The following CCDC62 variants were observed in gnomAD, a reference collection of about 807,000 sequenced individuals.
The protein encoded by CCDC62 is coiled-coil domain containing 62.
CCDC62 carries 72 observed loss-of-function variants against 80.8 expected under a neutral mutation model. That is an observed-to-expected ratio of 0.89 (90% confidence interval 0.74 to 1.08). CCDC62 has a LOEUF of 1.08. Ranked by LOEUF, CCDC62 falls within the 50% of genes least tolerant of loss-of-function variation. The probability of loss-of-function intolerance (pLI) is 0.00; values close to 1 mark genes in which losing one functional copy is unlikely to be tolerated. For missense variants in CCDC62, 704 were observed against 809.4 expected (o/e 0.87, Z 1.58); for synonymous variants, 286 against 296.5 (o/e 0.96, Z 0.36).
intron 11 of CCDC62, among the ~76,000 whole-genome samples, chr12:122,817,190 TAC>T (rs1298659477): frequency 6.7e-6 from 1 of 149,876 alleles, no homozygotes; most frequent in Non-Finnish European, 1.5e-5. Flanking sequence ...TAGCTGGGAC[TAC>T]AGGCACCCGC....
At chr12:122,822,165 G>A (rs1454599769) in intron 11 of CCDC62, among the ~76,000 whole-genome samples, 2 of 143,952 alleles carry the variant, frequency 1.4e-5, no homozygotes, top group African/African-American at 5.1e-5. Flanking sequence ...GTGCAGTGTC[G>A]TGATCTTGGC....
chr12:122,825,342 AT>A lies in CCDC62; in HGVS notation c.*41-1059del, dbSNP rs749990077. Among the ~76,000 whole-genome samples the A allele has an allele frequency of 8.8e-3, 791 of 89,784 alleles. 16 individuals carry two copies. The highest frequency in any genetic ancestry group is 0.013 in the Non-Finnish European group (592 of 47,234). 58.9% of individuals were successfully genotyped at this position (89,784 alleles called of 152,430 possible). ...AGGTGCGCATCACCACACCTGGCTA[AT>A]TTTTTTTTTTTTTTTTTTTTGAGAC... On this transcript the variant is annotated intron_variant, in intron 12 of 12. Transcript: ENST00000253079.
intron 3 of CCDC62, among the ~76,000 whole-genome samples, chr12:122,783,515 C>G (rs994508537): frequency 6.6e-6 from 1 of 152,162 alleles, no homozygotes; most frequent in Admixed American, 6.5e-5. Flanking sequence ...TGTGAGCCAC[C>G]GCGCCTGGCC....
At chr12:122,818,279 C>T (rs2032250817) in intron 11 of CCDC62, among the ~76,000 whole-genome samples, 1 of 151,952 alleles carries the variant, frequency 6.6e-6, no homozygotes, top group African/African-American at 2.4e-5. Flanking sequence ...GGTGAAACCC[C>T]ATCTCCACTA....
At chr12:122,822,574 A>AAT (rs550393254) in intron 11 of CCDC62, among the ~76,000 whole-genome samples, 3 of 117,760 alleles carry the variant, frequency 2.5e-5, no homozygotes, top group Admixed American at 1.9e-4. Flanking sequence ...TGAGTTCCAC[A>AAT]TTTTTTTTTT....
intron 8 of CCDC62, among the ~76,000 whole-genome samples, chr12:122,800,164 CTTTT>C (rs59113229): frequency 9.5e-6 from 1 of 104,924 alleles, no homozygotes; most frequent in Non-Finnish European, 1.9e-5. Context: ...TGCCCGGCTA[CTTTT>C]TTTTTTTTTT....
intron 6 of CCDC62, 111 bp from the exon 7 acceptor site, chr12:122,797,196 T>A: frequency 1.6e-6 from 1 of 620,388 alleles, no homozygotes; most frequent in Admixed American, 2.5e-5. Context: ...TATTTTTAAG[T>A]ACAGGAACAA....
intron 11 of CCDC62, among the ~76,000 whole-genome samples, chr12:122,818,395 G>A (rs921814435): frequency 1.3e-5 from 2 of 150,520 alleles, no homozygotes; most frequent in Non-Finnish European, 2.9e-5. Context: ...GGAGCTTGCA[G>A]TGAGCCAAGA....
chr12:122,775,122 A>G (rs1301835632), intron 1 of CCDC62, among the ~76,000 whole-genome samples: 1 of 151,172 alleles, frequency 6.6e-6, no homozygotes, highest in Non-Finnish European at 1.5e-5. Flanking sequence ...AAAAAGTGAA[A>G]CAATACACTA....
chr12:122,792,323 C>T (rs1344297620), intron 6 of CCDC62, among the ~76,000 whole-genome samples: 1 of 150,990 alleles, frequency 6.6e-6, no homozygotes, highest in Non-Finnish European at 1.5e-5. Flanking sequence ...CGGGCCCAAG[C>T]GATTCTCCTG....
chr12:122,803,767 G>A (rs1381398148), intron 9 of CCDC62, among the ~76,000 whole-genome samples: 2 of 152,088 alleles, frequency 1.3e-5, no homozygotes, highest in African/African-American at 4.8e-5. Flanking sequence ...AAAGATCTTT[G>A]GATAATTGCA....
At chr12:122,823,227 C>T (rs972158983) in intron 11 of CCDC62, 139 bp from the exon 12 acceptor site, 1 of 625,286 alleles carries the variant, frequency 1.6e-6, no homozygotes. Flanking sequence ...TCCCAAAGTG[C>T]TGGGATTATA....
intron 11 of CCDC62, among the ~76,000 whole-genome samples, chr12:122,818,874 G>A (rs1214986747): frequency 6.6e-6 from 1 of 152,008 alleles, no homozygotes; most frequent in Admixed American, 6.6e-5. Flanking sequence ...AGTGAACCAC[G>A]ATCACACCAT....
intron 12 of CCDC62, 79 bp from the exon 13 acceptor site, chr12:122,826,343 C>T (rs968916386): frequency 6.2e-6 from 4 of 643,738 alleles, no homozygotes; most frequent in African/African-American, 3.7e-5. Flanking sequence ...ATATTTTAGA[C>T]GCCAGGAGCT....
Position 122,801,262 on chromosome 12 carries a change from T to C in CCDC62, c.1116T>C (p.Ser372=), listed in dbSNP as rs1189252561. 1 of 1,614,156 alleles carries C rather than the reference T, an allele frequency of 6.2e-7. No individual in the cohort carries two copies. Among genetic ancestry groups the C allele is most frequent in the Non-Finnish European group, 8.5e-7 (1 of 1,180,002 alleles). ...LVQQNRSDKS[S]CDECKEKKQQ... ...AGCAAAATAGGTCAGACAAGAGCTC[T>C]TGCGATGAATGCAAAGAGAAGAAAC... Residue 372 remains serine (S), a synonymous_variant, in exon 9 of 13, where the codon TCT becomes TCC. Coordinates refer to ENST00000253079, the MANE Select transcript of CCDC62 (RefSeq NM_201435.5).
intron 6 of CCDC62, among the ~76,000 whole-genome samples, chr12:122,795,483 G>C (rs935385749): frequency 1.3e-5 from 2 of 151,862 alleles, no homozygotes; most frequent in Non-Finnish European, 2.9e-5. Flanking sequence ...GAGTGCAGTG[G>C]TGTGTTCGCG....
chr12:122,777,087 C>T (rs1253941641), intron 1 of CCDC62: 2 of 160,260 alleles, frequency 1.2e-5, no homozygotes, highest in African/African-American at 2.4e-5. Flanking sequence ...TGAGCCACCA[C>T]GCCTGGCCAC....
chr12:122,811,550 T>C (rs1432908277), intron 10 of CCDC62, among the ~76,000 whole-genome samples: 2 of 145,356 alleles, frequency 1.4e-5, no homozygotes, highest in African/African-American at 5.0e-5. Context: ...AATCAGGTGG[T>C]GGCTCATGCC....
chr12:122,797,041 G>A (rs2031002206), intron 6 of CCDC62, among the ~76,000 whole-genome samples: 1 of 151,760 alleles, frequency 6.6e-6, no homozygotes, highest in South Asian at 2.1e-4. Flanking sequence ...ACCACACCCG[G>A]CTAAATTTGT....
Sources: allele counts gnomAD v4.1 joint callset (sites outside exome capture counted in the v4.1 genomes callset), GRCh38; gene constraint gnomAD v4.1.1; transcripts MANE v1.5; gene names NCBI Gene and HGNC (gene_info 2026-07-23, HGNC 2026-07-21).